The following IGFBP7 variants were observed in gnomAD, a reference collection of about 807,000 sequenced individuals.
IGFBP7 encodes the protein insulin like growth factor binding protein 7.
IGFBP7 carries 31 observed loss-of-function variants against 29.4 expected under a neutral mutation model. The ratio of observed to expected loss-of-function variants is 1.05; its 90% CI spans 0.79 to 1.42. The LOEUF (loss-of-function observed/expected upper bound fraction) is 1.42, where lower values mean the gene tolerates loss of function less well. Ranked by LOEUF, IGFBP7 falls within the 40% of genes most tolerant of loss-of-function variation. IGFBP7 has a pLI of 0.00. For missense variants in IGFBP7, 393 were observed against 395.5 expected (o/e 0.99, Z 0.05); for synonymous variants, 172 against 174.9 (o/e 0.98, Z 0.13).
chr4:57,062,171 C>G (rs1317974389), intron 1 of IGFBP7, among the ~76,000 whole-genome samples: 1 of 152,086 alleles, frequency 6.6e-6, no homozygotes, highest in Non-Finnish European at 1.5e-5. Flanking sequence ...ACCGTGATAC[C>G]TGTCTACATA....
chr4:57,037,367 A>G (rs542571588), intron 2 of IGFBP7, among the ~76,000 whole-genome samples: 8 of 114,270 alleles, frequency 7.0e-5, no homozygotes, highest in African/African-American at 1.8e-4. Flanking sequence ...GTTGACTGAC[A>G]TAGTGGGTTT....
rs1723910915 is a variant in IGFBP7 at position 57,031,231 on chromosome 4, A to C, written c.*86T>G. The C allele has an allele frequency of 1.8e-6, 2 of 1,130,060 alleles. No homozygotes were observed. Among genetic ancestry groups the C allele is most frequent in the Middle Eastern group, 2.0e-4 (1 of 5,082 alleles). 70.0% of individuals were successfully genotyped at this position (1,130,060 alleles called of 1,614,324 possible). On this transcript the variant is annotated 3_prime_UTR_variant, in exon 5 of 5. Coordinates refer to ENST00000295666, the MANE Select transcript of IGFBP7 (RefSeq NM_001553.3). ...TATAACTAAAGTGTTAGTGGATTGGATTAAAAGAAACTTATTAGGCAAGAA... is the reference window on the plus strand; with the variant it reads ...TATAACTAAAGTGTTAGTGGATTGGCTTAAAAGAAACTTATTAGGCAAGAA...
intron 1 of IGFBP7, among the ~76,000 whole-genome samples, chr4:57,054,384 C>T (rs1184313769): frequency 6.6e-6 from 1 of 152,046 alleles, no homozygotes; most frequent in Non-Finnish European, 1.5e-5. Flanking sequence ...CCCGTAATCC[C>T]AGCACTTTGG....
chr4:57,103,660 C>CTTTTTTTTTTTTTTTTTTTTT (rs59173874), intron 1 of IGFBP7, among the ~76,000 whole-genome samples: 71 of 86,484 alleles, frequency 8.2e-4, no homozygotes, highest in East Asian at 2.8e-3. Context: ...TTTTTCTTTT[C>CTTTTTTTTTTTTTTTTTTTTT]TTTTTTTTTT....
intron 1 of IGFBP7, chr4:57,072,836 T>G: frequency 1.7e-6 from 1 of 592,694 alleles, no homozygotes; most frequent in Non-Finnish European, 3.3e-6. Context: ...GTATAAGCTC[T>G]CCCTAGAGCT....
chr4:57,057,275 G>T (rs113415527), intron 1 of IGFBP7, among the ~76,000 whole-genome samples: 2 of 152,218 alleles, frequency 1.3e-5, no homozygotes, highest in African/African-American at 2.4e-5. Context: ...CTCCCAAAGC[G>T]TTGGGATTAC....
chr4:57,033,373 G>T (rs1723996298), intron 2 of IGFBP7, 62 bp from the exon 3 acceptor site: 1 of 1,052,046 alleles, frequency 9.5e-7, no homozygotes, highest in Non-Finnish European at 1.5e-6. Context: ...CTTGGAAGTG[G>T]CCACATCCCT....
intron 1 of IGFBP7, among the ~76,000 whole-genome samples, chr4:57,066,063 C>A (rs1328566745): frequency 2.0e-5 from 3 of 152,290 alleles, no homozygotes; most frequent in South Asian, 4.1e-4. Context: ...TCCCATCCAC[C>A]CTTCTGGTGG....
At chr4:57,108,656 C>T (rs775402471) in intron 1 of IGFBP7, among the ~76,000 whole-genome samples, 36 of 152,110 alleles carry the variant, frequency 2.4e-4, no homozygotes, top group Non-Finnish European at 4.3e-4. Context: ...ATTCTCCTGC[C>T]TCAGCCTCCT....
At chr4:57,073,181 G>T in intron 1 of IGFBP7, 4 of 1,376,006 alleles carry the variant, frequency 2.9e-6, no homozygotes, top group Non-Finnish European at 4.1e-6. Flanking sequence ...GTTTTCCTTA[G>T]ATGGTCTGTC....
chr4:57,097,867 C>T (rs891618987), intron 1 of IGFBP7, among the ~76,000 whole-genome samples: 3 of 152,074 alleles, frequency 2.0e-5, no homozygotes, highest in South Asian at 2.1e-4. Flanking sequence ...CTGGGTGACC[C>T]GGCACTAAGA....
chr4:57,042,235 C>T (rs1724244687), intron 1 of IGFBP7, among the ~76,000 whole-genome samples: 1 of 152,232 alleles, frequency 6.6e-6, no homozygotes, highest in South Asian at 2.1e-4. Context: ...AGTGGTATGA[C>T]TCTCTGGTCC....
intron 1 of IGFBP7, among the ~76,000 whole-genome samples, chr4:57,051,580 A>T (rs1297893086): frequency 6.6e-6 from 1 of 152,158 alleles, no homozygotes; most frequent in Non-Finnish European, 1.5e-5. Context: ...TCTAAATATA[A>T]TCTGTTGGGG....
chr4:57,110,105 G>C lies in IGFBP7; in HGVS notation c.247C>G (p.Pro83Ala). 6.5e-7 allele frequency: 1 copy of C among 1,531,984 alleles called. No individual in the cohort carries two copies. The highest frequency in any genetic ancestry group is 2.5e-5 in the East Asian group (1 of 39,608). The allele number at this position is 1,531,984 out of a possible 1,614,324, so 94.9% of individuals were successfully genotyped here. A position where few individuals can be genotyped will look rare whatever the true frequency, so the allele number is the denominator to read the frequency against. ...GGGAGRGYCAPGMECVKSRKR... is the reference protein window; with the variant it reads ...GGGAGRGYCAAGMECVKSRKR... Reference sequence around the variant, plus strand: ...CGGCTCTTCACGCACTCCATGCCCGGCGCGCAGTACCCCCTGCCGGCGCCG... The same window carrying C: ...CGGCTCTTCACGCACTCCATGCCCGCCGCGCAGTACCCCCTGCCGGCGCCG... The change falls in exon 1 of 5, where the codon CCG (proline) becomes GCG (alanine). Residue 83 changes from proline (P) to alanine (A), a missense_variant. Coordinates refer to ENST00000295666, the MANE Select transcript of IGFBP7 (RefSeq NM_001553.3).
rs375309265 is a variant in IGFBP7 at position 57,079,272 on chromosome 4, C to T, written c.475+30605G>A. ...TTAAAAAAACAAATTGCAGGTGATA[C>T]GTGGCATTTTGCATTGCTAAAATTC... On this transcript the variant is annotated intron_variant, in intron 1 of 4. Transcript: ENST00000295666. Among the ~76,000 whole-genome samples, 86 of 152,064 alleles carry T rather than the reference C, an allele frequency of 5.7e-4. 1 individual carries two copies. Among genetic ancestry groups the T allele is most frequent in the Admixed American group, 1.9e-3 (29 of 15,258 alleles).
At chr4:57,053,233 TCTCGAA>T (rs1186831735) in intron 1 of IGFBP7, among the ~76,000 whole-genome samples, 2 of 152,162 alleles carry the variant, frequency 1.3e-5, no homozygotes, top group Non-Finnish European at 2.9e-5. Context: ...ATCAGGCTGA[TCTCGAA>T]CTCCTGACCT....
chr4:57,085,705 T>C (rs1490656862), intron 1 of IGFBP7, among the ~76,000 whole-genome samples: 3 of 152,186 alleles, frequency 2.0e-5, no homozygotes, highest in Non-Finnish European at 2.9e-5. Context: ...GCCTTAATCT[T>C]TCTCTGTGCT....
intron 1 of IGFBP7, among the ~76,000 whole-genome samples, chr4:57,072,018 TG>T (rs1406780068): frequency 1.3e-5 from 2 of 152,028 alleles, no homozygotes; most frequent in Middle Eastern, 3.2e-3. Flanking sequence ...ATTTTAGGTT[TG>T]GGGGTACATG....
intron 1 of IGFBP7, among the ~76,000 whole-genome samples, chr4:57,056,456 G>A (rs1445498522): frequency 6.6e-6 from 1 of 152,116 alleles, no homozygotes; most frequent in Non-Finnish European, 1.5e-5. Flanking sequence ...AGTGCTAAGA[G>A]GAATTGAGAA....
Sources: allele counts gnomAD v4.1 joint callset (sites outside exome capture counted in the v4.1 genomes callset), GRCh38; gene constraint gnomAD v4.1.1; transcripts MANE v1.5; gene names NCBI Gene and HGNC (gene_info 2026-07-23, HGNC 2026-07-21).